The following PHLPP1 variants were observed in gnomAD, a reference collection of about 807,000 sequenced individuals.
PHLPP1 encodes the protein PH domain and leucine rich repeat protein phosphatase 1.
PHLPP1 carries 42 observed loss-of-function variants against 117.2 expected under a neutral mutation model. That is an observed-to-expected ratio of 0.36 (90% CI 0.28 to 0.46). The LOEUF (loss-of-function observed/expected upper bound fraction) is 0.46. Among genes scored for constraint, PHLPP1 ranks in the 20% least tolerant of loss-of-function variants. The probability of loss-of-function intolerance (pLI) is 1.00; values close to 1 mark genes in which losing one functional copy is unlikely to be tolerated. For synonymous variants in PHLPP1, 1,042 were observed against 970.7 expected, an observed-to-expected ratio of 1.07 and a Z score of -1.37; for missense variants, 2,084 against 2,241.9, an observed-to-expected ratio of 0.93 and a Z score of 1.42.
At chr18:62,915,579 G>A (rs1909244955) in intron 9 of PHLPP1, among the ~76,000 whole-genome samples, 1 of 152,222 alleles carries the variant, frequency 6.6e-6, no homozygotes, top group East Asian at 1.9e-4. Flanking sequence ...GGCAGGATTT[G>A]CAAAACAGCC....
intron 1 of PHLPP1, among the ~76,000 whole-genome samples, chr18:62,768,757 T>G (rs1004724633): frequency 6.6e-6 from 1 of 152,136 alleles, no homozygotes; most frequent in Non-Finnish European, 1.5e-5. Flanking sequence ...GGAGAAATTA[T>G]ATGATTACCT....
Position 62,978,052 on chromosome 18 carries a change from C to T in PHLPP1, c.3985-210C>T, listed in dbSNP as rs1479859262. ...ATCTTTTCCTTTTGTCCCTACTGCT[C>T]CTTACCTGCCCAGGCCTACTACCTG... On this transcript the variant is annotated intron_variant, in intron 16 of 16. Coordinates refer to ENST00000262719, the MANE Select transcript of PHLPP1 (RefSeq NM_194449.4). This position sits in a 1 kb window ranked among gnomAD's most constrained non-coding sequence, Gnocchi z 7.0. 6.6e-6 allele frequency among the ~76,000 whole-genome samples: 1 copy of T among 152,154 alleles called. No homozygotes were observed. Among genetic ancestry groups the T allele is most frequent in the African/African-American group, 2.4e-5 (1 of 41,408 alleles).
At chr18:62,833,183 C>T (rs1394111432) in intron 2 of PHLPP1, among the ~76,000 whole-genome samples, 3 of 152,148 alleles carry the variant, frequency 2.0e-5, no homozygotes, top group African/African-American at 4.8e-5. Flanking sequence ...AAGCGATTCT[C>T]CTGCCTCAGC....
intron 3 of PHLPP1, among the ~76,000 whole-genome samples, chr18:62,851,294 G>A (rs1386338222): frequency 1.3e-5 from 2 of 151,828 alleles, no homozygotes; most frequent in Non-Finnish European, 2.9e-5. Context: ...AGTGAGCCAG[G>A]GATTTTGTTT....
chr18:62,918,797 A>G (rs1909375865), intron 9 of PHLPP1, among the ~76,000 whole-genome samples: 1 of 152,166 alleles, frequency 6.6e-6, no homozygotes, highest in African/African-American at 2.4e-5. Context: ...ACAGTTAATA[A>G]CAATGTCTTG....
intron 1 of PHLPP1, among the ~76,000 whole-genome samples, chr18:62,815,646 C>T (rs1271704166): frequency 3.9e-5 from 6 of 152,278 alleles, no homozygotes; most frequent in East Asian, 1.9e-4. Flanking sequence ...AAGGAGGAAG[C>T]TATATGCTTT....
chr18:62,979,613 T>G lies in PHLPP1; in HGVS notation c.*182T>G. The stretch of plus-strand genomic sequence containing the variant: ...GGTTATTTTTTTAAGTAATCACCAC[T>G]TTCTTCTAGTGATGCTTTACCAATA... On this transcript the variant is annotated 3_prime_UTR_variant, in exon 17 of 17. Transcript: ENST00000262719. The G allele has an allele frequency of 1.6e-6, 1 of 626,550 alleles. No homozygotes were observed. Among genetic ancestry groups the G allele is most frequent in the Non-Finnish European group, 2.8e-6 (1 of 362,796 alleles). 38.8% of individuals were successfully genotyped at this position (626,550 alleles called of 1,614,324 possible).
chr18:62,738,384 C>T (rs1259727199), intron 1 of PHLPP1, among the ~76,000 whole-genome samples: 2 of 151,862 alleles, frequency 1.3e-5, no homozygotes, highest in South Asian at 4.1e-4. Context: ...AACAAAGCAA[C>T]AATGCAACAA....
intron 9 of PHLPP1, among the ~76,000 whole-genome samples, chr18:62,917,095 A>G (rs1039111249): frequency 1.3e-5 from 2 of 149,802 alleles, no homozygotes; most frequent in Admixed American, 1.3e-4. Context: ...CCACCCCTCA[A>G]TCCCACAGAT....
chr18:62,819,603 T>TA (rs776426488), intron 1 of PHLPP1, among the ~76,000 whole-genome samples: 2 of 152,122 alleles, frequency 1.3e-5, no homozygotes, highest in Non-Finnish European at 2.9e-5. Flanking sequence ...TTATCAGATT[T>TA]AAAAAAAGAG....
chr18:62,830,419 G>A (rs1914725396), intron 2 of PHLPP1, among the ~76,000 whole-genome samples, 188 bp downstream of exon 2: 1 of 152,110 alleles, frequency 6.6e-6, no homozygotes, highest in African/African-American at 2.4e-5. Context: ...AGTAGAGATG[G>A]GGTTTCACCA....
At position 62,979,740 on chromosome 18, in the gene PHLPP1, T is replaced by A. The variant is rs1178520809; in HGVS notation, c.*309T>A. 2 of 269,330 alleles carry A rather than the reference T, an allele frequency of 7.4e-6. No homozygotes were observed. Among genetic ancestry groups the A allele is most frequent in the Non-Finnish European group, 1.4e-5 (2 of 144,122 alleles). The allele number at this position is 269,330 out of a possible 1,614,324, so 16.7% of individuals were successfully genotyped here. A position where few individuals can be genotyped will look rare whatever the true frequency, so the allele number is the denominator to read the frequency against. ...AGAGAAACAGTTAATGATAATGTAATATTTTTTAAAATGGCTTTTTGTTGT... is the reference window on the plus strand; with the variant it reads ...AGAGAAACAGTTAATGATAATGTAAAATTTTTTAAAATGGCTTTTTGTTGT... On this transcript the variant is annotated 3_prime_UTR_variant, in exon 17 of 17. Transcript: ENST00000262719.
At chr18:62,823,124 A>AT (rs1914513990) in intron 1 of PHLPP1, among the ~76,000 whole-genome samples, 1 of 152,212 alleles carries the variant, frequency 6.6e-6, no homozygotes, top group Non-Finnish European at 1.5e-5. Flanking sequence ...TTTGTCAAAG[A>AT]TTTTTTAAGT....
chr18:62,847,248 G>A lies in PHLPP1; in HGVS notation c.1899+8339G>A, dbSNP rs142386964. On this transcript the variant is annotated intron_variant, in intron 3 of 16. Transcript: ENST00000262719. ...TTCTCCAGCTGTGTTGGAATTAGCC[G>A]TTGTTGTTCTCACTGTCCAGCAAGG... Among the ~76,000 whole-genome samples the A allele has an allele frequency of 2.7e-3, 404 of 152,218 alleles. 6 individuals carry two copies. Among genetic ancestry groups the A allele is most frequent in the Admixed American group, 0.024 (372 of 15,282 alleles).
chr18:62,819,198 A>G (rs1914375092), intron 1 of PHLPP1, among the ~76,000 whole-genome samples: 1 of 152,212 alleles, frequency 6.6e-6, no homozygotes, highest in South Asian at 2.1e-4. Flanking sequence ...ATGGCAGTGT[A>G]TTATTCTAAG....
chr18:62,943,514 G>A (rs184262126), intron 11 of PHLPP1, among the ~76,000 whole-genome samples: 3 of 152,238 alleles, frequency 2.0e-5, no homozygotes, highest in African/African-American at 7.2e-5. Context: ...TTAGTTTCAA[G>A]GCACACAAGG....
intron 4 of PHLPP1, among the ~76,000 whole-genome samples, chr18:62,888,173 C>G (rs1414030579): frequency 6.6e-6 from 1 of 152,134 alleles, no homozygotes; most frequent in Admixed American, 6.6e-5. Flanking sequence ...TGCTGTGATT[C>G]TCTTCCACTT....
chr18:62,974,914 G>A (rs1014649691), intron 15 of PHLPP1, among the ~76,000 whole-genome samples: 31 of 152,328 alleles, frequency 2.0e-4, no homozygotes, highest in African/African-American at 6.3e-4. Flanking sequence ...GGAGAGGGTT[G>A]TCAGGTTTTT....
chr18:62,944,768 C>G (rs1327617600), intron 11 of PHLPP1, among the ~76,000 whole-genome samples: 1 of 152,158 alleles, frequency 6.6e-6, no homozygotes, highest in Non-Finnish European at 1.5e-5. Context: ...TTAGTGCTGG[C>G]TTTTGACCCA....
Sources: gnomAD v4.1 joint callset for allele counts (sites outside exome capture counted in the v4.1 genomes callset) on GRCh38, gnomAD v4.1.1 for gene constraint, Gnocchi (gnomAD v3.1) non-coding constraint, MANE v1.5 for transcripts, NCBI Gene and HGNC (gene_info 2026-07-23, HGNC 2026-07-21) for gene names.